Variants in LILRB1 observed in about 807,000 individuals in gnomAD.
LILRB1 encodes the protein leukocyte immunoglobulin-like receptor subfamily B member 1.
A neutral mutation model predicts 74.6 loss-of-function variants in LILRB1; 59 were observed. The ratio of observed to expected loss-of-function variants is 0.79; its 90% CI spans 0.64 to 0.98. LILRB1 has a LOEUF of 0.98. Among genes scored for constraint, LILRB1 ranks in the 50% least tolerant of loss-of-function variants. LILRB1 has a pLI of 0.00. For missense variants in LILRB1, 804 were observed against 822.6 expected (o/e 0.98, Z 0.28); for synonymous variants, 328 against 333.9 (o/e 0.98, Z 0.19).
chr19:54,634,927 T>C (rs557720912), intron 10 of LILRB1, 164 bp downstream of exon 10: 40 of 1,460,470 alleles, frequency 2.7e-5, no homozygotes, highest in South Asian at 5.3e-5. Context: ...AAAGTGTCCT[T>C]CGGGCTCAGT....
rs1438429452 is a variant in LILRB1 at position 54,632,221 on chromosome 19, G to A, written c.645G>A (p.Leu215=). The A allele has an allele frequency of 6.2e-7, 1 of 1,613,282 alleles. No individual in the cohort carries two copies. Among genetic ancestry groups the A allele is most frequent in the Non-Finnish European group, 8.5e-7 (1 of 1,179,312 alleles). The change falls in exon 5 of 15, where the codon CTG becomes CTA. Residue 215 remains leucine (L), a synonymous_variant. Coordinates refer to ENST00000324602, the MANE Select transcript of LILRB1 (RefSeq NM_001081637.3). ...PYEWSLPSDL[L]ELLVLGVSKK... ...AGTGGTCTCTACCCAGTGATCTCCT[G>A]GAGCTCCTGGTCCTAGGTGAGAAAT...
At chr19:54,632,343 C>G (rs1370876661) in intron 5 of LILRB1, 106 bp downstream of exon 5, 4 of 1,549,532 alleles carry the variant, frequency 2.6e-6, no homozygotes, top group Non-Finnish European at 3.5e-6. Context: ...GGCGAGAGGG[C>G]TCAGGGCTCC....
rs867958866 is a variant in LILRB1 at position 54,624,953 on chromosome 19, C to G, written c.-165-5564C>G. Among the ~76,000 whole-genome samples the G allele has an allele frequency of 1.2e-3, 157 of 135,594 alleles. 7 individuals carry two copies. In the Middle Eastern group the frequency reaches 0.012, roughly 11 times the overall value. The allele number at this position is 135,594 out of a possible 152,430, so 89.0% of individuals were successfully genotyped here. ...GCCTGTCACTAGGGAGGGCAGGGCC[C>G]CTCTGCTGGGGCACTGGAGACTGGC... On this transcript the variant is annotated intron_variant, in intron 1 of 15. Transcript: ENST00000396331.
intron 7 of LILRB1, 62 bp downstream of exon 7, chr19:54,633,380 G>A (rs2064091049): frequency 5.1e-6 from 8 of 1,559,230 alleles, no homozygotes; most frequent in Non-Finnish European, 7.0e-6. Context: ...TGCCCCAGGA[G>A]AGCTCTGGGC....
intron 4 of LILRB1, 26 bp downstream of exon 4, chr19:54,631,813 C>A: frequency 6.2e-7 from 1 of 1,611,612 alleles, no homozygotes; most frequent in African/African-American, 1.3e-5. Context: ...GGGGTCCCAG[C>A]CCCAGACTCT....
chr19:54,634,529 A>T (rs1397838671), intron 9 of LILRB1, 112 bp from the exon 10 acceptor site: 3 of 1,523,472 alleles, frequency 2.0e-6, no homozygotes, highest in African/African-American at 1.4e-5. Context: ...TCTGTGCTGC[A>T]CGACTGTTGT....
rs758963354 is a variant in LILRB1 at position 54,632,615 on chromosome 19, A to G, written c.813A>G (p.Ala271=). The change falls in exon 6 of 15, where the codon GCA becomes GCG. Residue 271 remains alanine (A), a synonymous_variant. Coordinates refer to ENST00000324602, the MANE Select transcript of LILRB1 (RefSeq NM_001081637.3). ...GERDFLQLAG[A]QPQAGLSQAN... ...GTGACTTCCTTCAGCTCGCTGGCGC[A>G]CAGCCCCAGGCTGGGCTCTCCCAGG... The G allele has an allele frequency of 8.1e-6, 13 of 1,612,848 alleles. No individual in the cohort carries two copies. Among genetic ancestry groups the G allele is most frequent in the Non-Finnish European group, 1.1e-5 (13 of 1,179,758 alleles).
In LILRB1 at chr19:54,630,620, G is replaced by C. The variant is rs762538812; in HGVS notation, c.-62G>C. On this transcript the variant is annotated 5_prime_UTR_variant, in exon 1 of 15. Transcript: ENST00000324602. ...CCCTGAAGCATCTCCAGGGCTGGAG[G>C]GACGACTGCCATGGTAAGGACCCCA... 2 of 864,862 alleles carry C rather than the reference G, an allele frequency of 2.3e-6. No individual in the cohort carries two copies. The highest frequency in any genetic ancestry group is 4.0e-5 in the Admixed American group (2 of 49,458). 53.6% of individuals were successfully genotyped at this position (864,862 alleles called of 1,614,324 possible).
At chr19:54,617,525 G>C (rs1374919211) in intron 1 of LILRB1, among the ~76,000 whole-genome samples, 1 of 150,166 alleles carries the variant, frequency 6.7e-6, no homozygotes, top group Non-Finnish European at 1.5e-5. Context: ...CTCATGGCTA[G>C]AGTTTTGAAG....
rs539235846 is a variant in LILRB1 at position 54,632,804 on chromosome 19, A to T, written c.958+44A>T. Reference sequence around the variant, plus strand: ...TCAGTCAGGGACCCAGGCTCCGCACAGGCCCTGCCGGGGGAGCTCAGGTAG... The same window carrying T: ...TCAGTCAGGGACCCAGGCTCCGCACTGGCCCTGCCGGGGGAGCTCAGGTAG... On this transcript the variant is annotated intron_variant, in intron 6 of 14. Transcript: ENST00000324602. 29 of 1,600,910 alleles carry T rather than the reference A, an allele frequency of 1.8e-5. No individual in the cohort carries two copies. The South Asian group carries it at 3.2e-4, about 18-fold the overall frequency.
intron 1 of LILRB1, among the ~76,000 whole-genome samples, chr19:54,621,167 C>A (rs900021855): frequency 4.6e-5 from 7 of 152,204 alleles, no homozygotes; most frequent in African/African-American, 1.2e-4. Flanking sequence ...AGCCACCACA[C>A]CTGACCCAAT....
At chr19:54,633,719 A>G in intron 8 of LILRB1, 31 bp downstream of exon 8, 1 of 1,603,336 alleles carries the variant, frequency 6.2e-7, no homozygotes, top group Non-Finnish European at 8.5e-7. Flanking sequence ...AACTCAAGGG[A>G]GTGCGGCCTC....
intron 1 of LILRB1, among the ~76,000 whole-genome samples, chr19:54,617,774 T>TCCCA (rs2063348653): frequency 6.6e-6 from 1 of 152,080 alleles, no homozygotes; most frequent in Admixed American, 6.6e-5. Flanking sequence ...GTTATTTAGC[T>TCCCA]GACAACTGCC....
At chr19:54,621,943 T>C (rs183797349) in intron 1 of LILRB1, among the ~76,000 whole-genome samples, 1 of 152,282 alleles carries the variant, frequency 6.6e-6, no homozygotes, top group African/African-American at 2.4e-5. Context: ...TTGAATAGGG[T>C]GTCCTTTCCC....
At chr19:54,630,967 T>A (rs1322659575) in intron 1 of LILRB1, 59 bp from the exon 2 acceptor site, 15 of 1,613,004 alleles carry the variant, frequency 9.3e-6, no homozygotes, top group Admixed American at 1.7e-5. Flanking sequence ...CAGCACCCCA[T>A]GAGAAGAAGG....
intron 1 of LILRB1, among the ~76,000 whole-genome samples, chr19:54,619,404 G>T (rs2063395623): frequency 6.6e-6 from 1 of 151,996 alleles, no homozygotes; most frequent in African/African-American, 2.4e-5. Flanking sequence ...CTACAGATGG[G>T]TCTTTGATAT....
intron 1 of LILRB1, among the ~76,000 whole-genome samples, chr19:54,621,677 G>C (rs2063462056): frequency 6.6e-6 from 1 of 152,072 alleles, no homozygotes; most frequent in Non-Finnish European, 1.5e-5. Context: ...TTGCTGTGCA[G>C]TAGCTTTTAA....
chr19:54,636,113 G>T, intron 13 of LILRB1: 1 of 562,784 alleles, frequency 1.8e-6, no homozygotes, highest in South Asian at 1.6e-5. Flanking sequence ...GGCAGAGAGT[G>T]TGGGGCAGTG....
At chr19:54,618,840 T>G (rs1408810744) in intron 1 of LILRB1, among the ~76,000 whole-genome samples, 1 of 152,208 alleles carries the variant, frequency 6.6e-6, no homozygotes, top group Admixed American at 6.5e-5. Flanking sequence ...GGAATTAACT[T>G]TAAGTGATGA....
Sources: allele counts gnomAD v4.1 joint callset (sites outside exome capture counted in the v4.1 genomes callset), GRCh38; gene constraint gnomAD v4.1.1; transcripts MANE v1.5; gene names NCBI Gene and HGNC (gene_info 2026-07-23, HGNC 2026-07-21).